Variants in UBE2K observed in about 807,000 individuals in gnomAD.
The protein encoded by UBE2K is ubiquitin-conjugating enzyme E2 K.
In UBE2K, 6 loss-of-function variants were observed where a neutral mutation model predicts 30.0. The ratio of observed to expected loss-of-function variants is 0.20; its 90% CI spans 0.11 to 0.39. The LOEUF is 0.39. Ranked by LOEUF, UBE2K falls within the 10% of genes least tolerant of loss-of-function variation. UBE2K has a pLI of 1.00. For synonymous variants in UBE2K, 86 were observed against 83.7 expected, an observed-to-expected ratio of 1.03 and a Z score of -0.15; for missense variants, 61 against 241.6, an observed-to-expected ratio of 0.25 and a Z score of 4.96.
chr4:39,726,275 C>T (rs1011394338), intron 1 of UBE2K, among the ~76,000 whole-genome samples: 2 of 152,124 alleles, frequency 1.3e-5, no homozygotes, highest in African/African-American at 2.4e-5. Flanking sequence ...GGATTACAGG[C>T]GTGAGCCATC....
At chr4:39,711,580 CT>C (rs1376967429) in intron 1 of UBE2K, among the ~76,000 whole-genome samples, 1 of 151,922 alleles carries the variant, frequency 6.6e-6, no homozygotes, top group Non-Finnish European at 1.5e-5. Flanking sequence ...TTAATTCCAA[CT>C]TTTAGATAAA....
At chr4:39,777,374 T>C (rs961817664) in intron 5 of UBE2K, among the ~76,000 whole-genome samples, 2 of 152,228 alleles carry the variant, frequency 1.3e-5, no homozygotes, top group African/African-American at 4.8e-5. Flanking sequence ...TGCTTTCCAG[T>C]GTTTGGAACA....
At chr4:39,742,821 G>A (rs1015397815) in intron 2 of UBE2K, among the ~76,000 whole-genome samples, 1 of 152,106 alleles carries the variant, frequency 6.6e-6, no homozygotes. Flanking sequence ...TGAGGCAGGC[G>A]GATCACCTGA....
chr4:39,760,344 G>C (rs1275091293), intron 4 of UBE2K, among the ~76,000 whole-genome samples: 2 of 151,940 alleles, frequency 1.3e-5, no homozygotes, highest in Non-Finnish European at 2.9e-5. Flanking sequence ...CTTTTTAAAA[G>C]ACATGTATAA....
chr4:39,730,585 T>A (rs1720015465), intron 1 of UBE2K, among the ~76,000 whole-genome samples: 1 of 151,838 alleles, frequency 6.6e-6, no homozygotes. Context: ...CTGGCCAACA[T>A]GGTGAAACCC....
At chr4:39,725,764 T>A (rs532369181) in intron 1 of UBE2K, among the ~76,000 whole-genome samples, 2 of 152,160 alleles carry the variant, frequency 1.3e-5, no homozygotes, top group South Asian at 4.1e-4. Flanking sequence ...TGCTTCAGCC[T>A]CCTGAGTATC....
At chr4:39,744,931 AAAATAAAT>A (rs1159618497) in intron 2 of UBE2K, among the ~76,000 whole-genome samples, 2 of 150,524 alleles carry the variant, frequency 1.3e-5, no homozygotes, top group African/African-American at 4.9e-5. Context: ...TAAATTAAAT[AAAATAAAT>A]AAATAAATAA....
At chr4:39,752,311 ATTTTTTTTTTTTTCTTTTTTTTTCTTTTT>A (rs1721300036) in intron 3 of UBE2K, among the ~76,000 whole-genome samples, 1 of 118,544 alleles carries the variant, frequency 8.4e-6, no homozygotes, top group Non-Finnish European at 1.7e-5. Flanking sequence ...CGCCTGGCTA[ATTTTTTTTTTTTTCTTTTTTTTTCTTTTT>A]TTTTTTTTTT....
chr4:39,700,778 G>T (rs185357218), intron 1 of UBE2K, among the ~76,000 whole-genome samples: 1 of 152,112 alleles, frequency 6.6e-6, no homozygotes, highest in Admixed American at 6.5e-5. Context: ...ACTTTTTGGG[G>T]TGGCCTTATA....
At chr4:39,712,671 C>T (rs1312034990) in intron 1 of UBE2K, among the ~76,000 whole-genome samples, 4 of 152,002 alleles carry the variant, frequency 2.6e-5, no homozygotes, top group South Asian at 2.1e-4. Flanking sequence ...TCGCCCACCT[C>T]GGCCTCCCAA....
At chr4:39,717,020 C>T (rs1301029462) in intron 1 of UBE2K, among the ~76,000 whole-genome samples, 6 of 132,164 alleles carry the variant, frequency 4.5e-5, no homozygotes, top group Non-Finnish European at 9.5e-5. Context: ...AAAAAAAAAG[C>T]CTGGGGTGGG....
intron 1 of UBE2K, among the ~76,000 whole-genome samples, chr4:39,703,203 GCTGGCCTGACAAAACT>G (rs1718133521): frequency 6.6e-6 from 1 of 152,046 alleles, no homozygotes; most frequent in South Asian, 2.1e-4. Context: ...TGTTGGCCAG[GCTGGCCTGACAAAACT>G]CTTTAAAAGA....
chr4:39,770,208 G>T, intron 4 of UBE2K: 1 of 1,611,160 alleles, frequency 6.2e-7, no homozygotes, highest in Non-Finnish European at 8.5e-7. Context: ...GTCGCAGTAG[G>T]AGCAGCGGTA....
At position 39,774,825 on chromosome 4, in the gene UBE2K, G is replaced by A; in HGVS notation, c.300-9G>A. On this transcript the variant is annotated splice_polypyrimidine_tract_variant and intron_variant, in intron 4 of 6. Transcript: ENST00000261427. ...CTTAATTGGGATATTTTCATGTTTT[G>A]CATTTTAGGGCAGCTGCAATGACTC... is the stretch of plus-strand genomic sequence containing the variant. The A allele has an allele frequency of 1.4e-6, 2 of 1,459,706 alleles. No homozygotes were observed. The highest frequency in any genetic ancestry group is 1.8e-6 in the Non-Finnish European group (2 of 1,090,654). The allele number at this position is 1,459,706 out of a possible 1,614,324, so 90.4% of individuals were successfully genotyped here.
intron 4 of UBE2K, among the ~76,000 whole-genome samples, chr4:39,769,203 G>GTTTCTTTTTGGTTTTTTTTTT (rs1553880318): frequency 9.5e-6 from 1 of 105,362 alleles, no homozygotes. Flanking sequence ...CAACCCTGGA[G>GTTTCTTTTTGGTTTTTTTTTT]TTTCTTTTTG....
At position 39,698,406 on chromosome 4, in the gene UBE2K, C is replaced by T. The variant is rs762915187; in HGVS notation, c.63+16C>T. The T allele has an allele frequency of 5.6e-6, 9 of 1,605,108 alleles. No homozygotes were observed. Among genetic ancestry groups the T allele is most frequent in the South Asian group, 1.1e-5 (1 of 89,318 alleles). On this transcript the variant is annotated intron_variant, in intron 1 of 6. Coordinates refer to ENST00000261427, the MANE Select transcript of UBE2K (RefSeq NM_005339.5). ...GAGCGAGGAGGTCAGAAATGAACTC[C>T]CGGATATCCCCCACCTCTGCCTGGG... is the stretch of plus-strand genomic sequence containing the variant.
At chr4:39,749,633 C>G (rs1270113448) in intron 3 of UBE2K, among the ~76,000 whole-genome samples, 1 of 151,938 alleles carries the variant, frequency 6.6e-6, no homozygotes, top group Non-Finnish European at 1.5e-5. Context: ...GAGCCGAGAT[C>G]ATGCCACTGC....
intron 2 of UBE2K, among the ~76,000 whole-genome samples, chr4:39,738,655 T>A (rs572944256): frequency 6.6e-6 from 1 of 152,112 alleles, no homozygotes. Context: ...TTAAATACTT[T>A]GTGTGTGTTT....
chr4:39,707,293 G>A (rs1718421073), intron 1 of UBE2K, among the ~76,000 whole-genome samples: 1 of 151,892 alleles, frequency 6.6e-6, no homozygotes, highest in Non-Finnish European at 1.5e-5. Context: ...GCTCACTGCA[G>A]CTTCTGCTTC....
Sources: allele counts gnomAD v4.1 joint callset (sites outside exome capture counted in the v4.1 genomes callset), GRCh38; gene constraint gnomAD v4.1.1; transcripts MANE v1.5; gene names NCBI Gene and HGNC (gene_info 2026-07-23, HGNC 2026-07-21).